Variants in SCP2 observed in about 807,000 individuals in gnomAD.
SCP2 encodes sterol carrier protein 2, also known as SCP-2/3-oxoacyl-CoA thiolase.
SCP2 carries 48 observed loss-of-function variants against 71.4 expected under a neutral mutation model. That is an observed-to-expected ratio of 0.67 (90% CI 0.53 to 0.86). SCP2 has a LOEUF of 0.86. SCP2 is among the 40% of genes least tolerant of loss of function. The probability of loss-of-function intolerance (pLI) is 0.00; values close to 1 mark genes in which losing one functional copy is unlikely to be tolerated. For missense variants in SCP2, 560 were observed against 655.6 expected (o/e 0.85, Z 1.59); for synonymous variants, 220 against 218.1 (o/e 1.01, Z -0.08).
intron 12 of SCP2, among the ~76,000 whole-genome samples, chr1:53,015,719 TC>T (rs1661291871): frequency 6.6e-6 from 1 of 152,172 alleles, no homozygotes; most frequent in African/African-American, 2.4e-5. Context: ...GTTCAGGTCT[TC>T]CCTTAGATCT....
rs936806688 is a variant in SCP2, at chr1:52,992,566, C to A, written c.1081+4430C>A. Among the ~76,000 whole-genome samples, 4 of 152,106 alleles carry A rather than the reference C, an allele frequency of 2.6e-5. No homozygotes were observed. In the East Asian group the frequency reaches 7.7e-4, roughly 29 times the overall value. Reference sequence around the variant, plus strand: ...CTAAATGAGTCCAAATATTTGACCACGTAGAATATTACCATCTTCAAGAGT... The same window carrying A: ...CTAAATGAGTCCAAATATTTGACCAAGTAGAATATTACCATCTTCAAGAGT... On this transcript the variant is annotated intron_variant, in intron 11 of 15. Coordinates refer to ENST00000371514, the MANE Select transcript of SCP2 (RefSeq NM_002979.5).
At chr1:52,969,140 CAGGCATA>C (rs966529008) in intron 6 of SCP2, among the ~76,000 whole-genome samples, 1 of 150,966 alleles carries the variant, frequency 6.6e-6, no homozygotes, top group African/African-American at 2.4e-5. Flanking sequence ...GCAGAAGAGG[CAGGCATA>C]CTTGATGTAA....
chr1:52,991,383 C>T (rs1000192784), intron 11 of SCP2, among the ~76,000 whole-genome samples: 2 of 151,076 alleles, frequency 1.3e-5, no homozygotes, highest in South Asian at 2.1e-4. Context: ...TAATAAACCT[C>T]TTGTTTTTTT....
In SCP2 at chr1:53,009,728, A is replaced by G. The variant is rs1410363541; in HGVS notation, c.1082-5162A>G. Among the ~76,000 whole-genome samples the G allele has an allele frequency of 2.0e-5, 3 of 152,224 alleles. No individual in the cohort carries two copies. The East Asian group carries it at 5.8e-4, about 29-fold the overall frequency. The stretch of plus-strand genomic sequence containing the variant: ...GGCCATAGGCATGGGCAAGGACTTC[A>G]TGACTAAAACACCAAAAGCAATGGC... On this transcript the variant is annotated intron_variant, in intron 11 of 15. Transcript: ENST00000371514.
intron 9 of SCP2, 129 bp from the exon 10 acceptor site, chr1:52,980,267 C>T (rs937223248): frequency 4.6e-6 from 4 of 873,590 alleles, no homozygotes; most frequent in Non-Finnish European, 5.2e-6. Context: ...AGCCAATGCA[C>T]CTGGGCAAAA....
intron 1 of SCP2, among the ~76,000 whole-genome samples, chr1:52,940,922 G>T (rs1488192577): frequency 6.6e-6 from 1 of 152,104 alleles, no homozygotes; most frequent in East Asian, 1.9e-4. Flanking sequence ...GCTAATTTTT[G>T]TATTTTTAGT....
intron 12 of SCP2, among the ~76,000 whole-genome samples, chr1:53,019,754 T>A (rs527236527): frequency 9.2e-5 from 14 of 152,348 alleles, no homozygotes; most frequent in African/African-American, 2.6e-4. Flanking sequence ...ATAATCTTAA[T>A]GTGATGTATA....
At chr1:53,049,233 A>G (rs949226160) in intron 15 of SCP2, 1 of 152,220 alleles carries the variant, frequency 6.6e-6, no homozygotes, top group African/African-American at 2.4e-5. Flanking sequence ...GACTTCACAC[A>G]TCAGCTGCCT....
At chr1:52,993,119 C>A (rs1482136035) in intron 11 of SCP2, 4 of 1,492,388 alleles carry the variant, frequency 2.7e-6, no homozygotes, top group African/African-American at 1.4e-5. Flanking sequence ...AGAAAGGTAC[C>A]AACAAGATGT....
intron 12 of SCP2, among the ~76,000 whole-genome samples, chr1:53,024,673 C>T (rs77514340): frequency 0.14 from 20,586 of 150,656 alleles, 1,983 homozygotes; most frequent in East Asian, 0.32. Context: ...TGGGTTCAAG[C>T]GAATTCTCCT....
intron 11 of SCP2, among the ~76,000 whole-genome samples, chr1:53,005,296 T>C (rs1421164681): frequency 6.6e-6 from 1 of 152,148 alleles, no homozygotes; most frequent in Non-Finnish European, 1.5e-5. Flanking sequence ...AGCATGGAGT[T>C]TGAGATCTGA....
intron 2 of SCP2, 81 bp downstream of exon 2, chr1:52,941,934 C>G (rs1572054693): frequency 1.9e-6 from 2 of 1,039,486 alleles, no homozygotes; most frequent in Non-Finnish European, 3.0e-6. Flanking sequence ...GGCAGCCTTG[C>G]AAGCACAAAA....
chr1:52,951,006 T>A, intron 4 of SCP2, 120 bp downstream of exon 4: 1 of 1,157,386 alleles, frequency 8.6e-7, no homozygotes. Context: ...TCAGGCCGGG[T>A]GTGGTGGCTT....
intron 2 of SCP2, among the ~76,000 whole-genome samples, chr1:52,942,486 A>C (rs1654343181): frequency 6.6e-6 from 1 of 152,100 alleles, no homozygotes; most frequent in Non-Finnish European, 1.5e-5. Flanking sequence ...ACCAGGCTGC[A>C]TCTGGCTGCA....
intron 11 of SCP2, 87 bp from the exon 12 acceptor site, chr1:53,014,803 A>G (rs1003030221): frequency 3.4e-6 from 5 of 1,489,318 alleles, no homozygotes; most frequent in Non-Finnish European, 4.6e-6. Flanking sequence ...GCTTAATCAA[A>G]TGCTTTAATT....
intron 10 of SCP2, among the ~76,000 whole-genome samples, chr1:52,985,650 T>C (rs911082004): frequency 6.6e-6 from 1 of 152,196 alleles, no homozygotes; most frequent in African/African-American, 2.4e-5. Context: ...AAGCCAAATA[T>C]GATCTGTCCT....
chr1:53,029,952 G>C (rs142151341), intron 13 of SCP2, among the ~76,000 whole-genome samples: 4 of 151,708 alleles, frequency 2.6e-5, no homozygotes, highest in Non-Finnish European at 4.4e-5. Context: ...GCAGTGGCGC[G>C]ATCTTGGCTC....
In SCP2 at chr1:52,961,596, G is replaced by C; in HGVS notation, c.490G>C (p.Gly164Arg). 1.9e-6 allele frequency: 3 copies of C among 1,613,860 alleles called. 1 individual carries two copies. The highest frequency in any genetic ancestry group is 2.2e-5 in the South Asian group (2 of 91,068). The change falls in exon 6 of 16, where the codon GGG becomes CGG. Residue 164 changes from glycine (G) to arginine (R), a missense_variant. Transcript: ENST00000371514. ...SAHPVAPQMF[G>R]YAGKEHMEKY... ...TCACCCAGTTGCTCCTCAGATGTTT[G>C]GGTATGCTGGAAAAGAACATATGGA...
intron 14 of SCP2, among the ~76,000 whole-genome samples, chr1:53,039,761 A>T (rs577772598): frequency 4.5e-4 from 69 of 152,190 alleles, no homozygotes; most frequent in African/African-American, 1.6e-3. Context: ...TTCCTTGGGG[A>T]TCTTAACTAG....
Sources: gnomAD v4.1 joint callset for allele counts (sites outside exome capture counted in the v4.1 genomes callset) on GRCh38, gnomAD v4.1.1 for gene constraint, MANE v1.5 for transcripts, NCBI Gene and HGNC (gene_info 2026-07-23, HGNC 2026-07-21) for gene names.